Variants in SSH2 observed in about 807,000 individuals in gnomAD.
SSH2 encodes slingshot protein phosphatase 2.
Under a neutral mutation model 135.2 loss-of-function variants are expected in SSH2, and 37 were observed. The ratio of observed to expected loss-of-function variants is 0.27; its 90% confidence interval spans 0.21 to 0.36. The LOEUF (loss-of-function observed/expected upper bound fraction) is 0.36. Ranked by LOEUF, SSH2 falls within the 10% of genes least tolerant of loss-of-function variation. The pLI is 1.00. For missense variants in SSH2, 1,408 were observed against 1,765.3 expected, an observed-to-expected ratio of 0.80 and a Z score of 3.63; for synonymous variants, 628 against 646.2, an observed-to-expected ratio of 0.97 and a Z score of 0.43.
intron 1 of SSH2, among the ~76,000 whole-genome samples, chr17:29,863,218 C>G (rs2065795765): frequency 6.6e-6 from 1 of 152,062 alleles, no homozygotes; most frequent in African/African-American, 2.4e-5. Context: ...GCACACAATT[C>G]AGCCTAATGA....
At chr17:29,786,360 T>C (rs1302652325) in intron 3 of SSH2, among the ~76,000 whole-genome samples, 2 of 152,180 alleles carry the variant, frequency 1.3e-5, no homozygotes, top group Admixed American at 6.5e-5. Flanking sequence ...TCCTCTTCCT[T>C]TGTGAAACCT....
intron 1 of SSH2, among the ~76,000 whole-genome samples, chr17:29,890,465 G>A (rs1361141127): frequency 6.6e-6 from 1 of 152,144 alleles, no homozygotes; most frequent in Non-Finnish European, 1.5e-5. Context: ...CCATAAAAAG[G>A]AATGAAGTGC....
intron 3 of SSH2, among the ~76,000 whole-genome samples, chr17:29,730,708 G>T (rs567692736): frequency 1.3e-5 from 2 of 151,900 alleles, no homozygotes; most frequent in African/African-American, 4.8e-5. Context: ...CAAAGTGCTG[G>T]GATTACAGGC....
Position 29,666,889 on chromosome 17 carries a change from T to C in SSH2, c.1010A>G (p.Gln337Arg), listed in dbSNP as rs762753005. 1 of 1,613,860 alleles carries C rather than the reference T, an allele frequency of 6.2e-7. No homozygotes were observed. Among genetic ancestry groups the C allele is most frequent in the Admixed American group, 1.7e-5 (1 of 60,000 alleles). ...TACCAGGAACACATGCTCAAATATC[T>C]GTGTAGGGCTATCCATTTGACCAAG... Reference protein sequence around the residue: ...VILGQMDSPTQIFEHVFLGSE... With the variant: ...VILGQMDSPTRIFEHVFLGSE... The change falls in exon 11 of 16, where the codon CAG (glutamine) becomes CGG (arginine). Residue 337 changes from glutamine to arginine, a missense_variant. Coordinates refer to ENST00000540801, the MANE Select transcript of SSH2 (RefSeq NM_001282129.2).
chr17:29,666,863 T>C lies in SSH2; in HGVS notation c.1032+4A>G. 1 of 1,614,040 alleles carries C rather than the reference T, an allele frequency of 6.2e-7. No individual in the cohort carries two copies. Among genetic ancestry groups the C allele is most frequent in the Non-Finnish European group, 8.5e-7 (1 of 1,179,946 alleles). Reference sequence around the variant, plus strand: ...ACACCACTTAAAGTGGCTTTAAAACTTACCAGGAACACATGCTCAAATATC... The same window carrying C: ...ACACCACTTAAAGTGGCTTTAAAACCTACCAGGAACACATGCTCAAATATC... On this transcript the variant is annotated splice_donor_region_variant and intron_variant, in intron 11 of 15. Coordinates refer to ENST00000540801, the MANE Select transcript of SSH2 (RefSeq NM_001282129.2).
chr17:29,644,605 G>A (rs1413300107), intron 14 of SSH2, among the ~76,000 whole-genome samples: 1 of 151,998 alleles, frequency 6.6e-6, no homozygotes, highest in African/African-American at 2.4e-5. Context: ...TCAAGAGATC[G>A]AGACCATCCT....
chr17:29,798,361 A>G (rs1163206265), intron 2 of SSH2, among the ~76,000 whole-genome samples: 1 of 151,874 alleles, frequency 6.6e-6, no homozygotes, highest in African/African-American at 2.4e-5. Context: ...ATTTCACCAT[A>G]TTGGCCAGGG....
At chr17:29,799,197 T>C (rs2042208791) in intron 2 of SSH2, among the ~76,000 whole-genome samples, 1 of 152,236 alleles carries the variant, frequency 6.6e-6, no homozygotes, top group Non-Finnish European at 1.5e-5. Context: ...ATAGACTAGA[T>C]TGTTTCTATT....
At chr17:29,811,714 G>A (rs1422311730) in intron 2 of SSH2, among the ~76,000 whole-genome samples, 1 of 151,920 alleles carries the variant, frequency 6.6e-6, no homozygotes, top group Non-Finnish European at 1.5e-5. Context: ...GACTACAGGT[G>A]TGCACCACCA....
intron 5 of SSH2, among the ~76,000 whole-genome samples, chr17:29,693,623 T>C (rs1042983601): frequency 6.6e-6 from 1 of 152,126 alleles, no homozygotes; most frequent in African/African-American, 2.4e-5. Context: ...TAGATAATTA[T>C]TTAAGAAAGA....
At chr17:29,753,139 T>A (rs896874300) in intron 3 of SSH2, among the ~76,000 whole-genome samples, 2 of 152,124 alleles carry the variant, frequency 1.3e-5, no homozygotes, top group South Asian at 4.1e-4. Flanking sequence ...CTGCCTTTTT[T>A]AAATTTTTTG....
chr17:29,852,797 A>G (rs1599093432), intron 1 of SSH2, among the ~76,000 whole-genome samples: 1 of 151,560 alleles, frequency 6.6e-6, no homozygotes, highest in Non-Finnish European at 1.5e-5. Flanking sequence ...TGATCCACCC[A>G]CCTCGGCCTC....
At chr17:29,761,354 C>T in intron 3 of SSH2, 5 of 1,073,126 alleles carry the variant, frequency 4.7e-6, no homozygotes, top group Non-Finnish European at 5.7e-6. Context: ...TGCGCGTGCA[C>T]CCGGCGGCGG....
intron 8 of SSH2, among the ~76,000 whole-genome samples, chr17:29,674,797 A>C (rs1028330493): frequency 2.0e-5 from 3 of 152,326 alleles, no homozygotes; most frequent in Non-Finnish European, 2.9e-5. Flanking sequence ...AATGCAAAAA[A>C]ATCTCATCAT....
intron 1 of SSH2, among the ~76,000 whole-genome samples, chr17:29,925,782 C>T (rs1478294621): frequency 6.6e-6 from 1 of 151,832 alleles, no homozygotes. Flanking sequence ...AAAAAGCTAA[C>T]TAGGTGAAGT....
chr17:29,722,349 A>G (rs949213288), intron 3 of SSH2, among the ~76,000 whole-genome samples: 1 of 152,062 alleles, frequency 6.6e-6, no homozygotes, highest in African/African-American at 2.4e-5. Context: ...CACACATGTT[A>G]TATGTCTTAC....
chr17:29,858,035 T>G (rs747978121), intron 1 of SSH2, among the ~76,000 whole-genome samples: 42 of 152,234 alleles, frequency 2.8e-4, no homozygotes, highest in Non-Finnish European at 4.6e-4. Context: ...TCAAGATACA[T>G]GCATGTTGTA....
chr17:29,905,815 C>T (rs920283433), intron 1 of SSH2, among the ~76,000 whole-genome samples: 7 of 152,188 alleles, frequency 4.6e-5, no homozygotes, highest in African/African-American at 1.4e-4. Context: ...CATGCACTTC[C>T]TCACCTCTGA....
At chr17:29,654,100 C>T (rs2036689446) in intron 12 of SSH2, among the ~76,000 whole-genome samples, 2 of 152,204 alleles carry the variant, frequency 1.3e-5, no homozygotes, top group Admixed American at 1.3e-4. Context: ...ATTCCCAACA[C>T]AGTTTGCTAA....
Sources: allele counts gnomAD v4.1 joint callset (sites outside exome capture counted in the v4.1 genomes callset), GRCh38; gene constraint gnomAD v4.1.1; transcripts MANE v1.5; gene names NCBI Gene and HGNC (gene_info 2026-07-23, HGNC 2026-07-21).